SLC35F5: variants seen among roughly 807,000 people sequenced by gnomAD.
The protein encoded by SLC35F5 is HCV NS5A-transactivated protein 3.
Under a neutral mutation model 68.6 loss-of-function variants are expected in SLC35F5, and 54 were observed. The observed-to-expected ratio is 0.79, with a 90% CI of 0.63 to 0.99. SLC35F5 has a LOEUF of 0.99. Ranked by LOEUF, SLC35F5 falls within the 50% of genes least tolerant of loss-of-function variation. The pLI, the probability that SLC35F5 is intolerant of heterozygous loss-of-function variation, is 0.00. For missense variants in SLC35F5, 567 were observed against 626.9 expected, an observed-to-expected ratio of 0.90 and a Z score of 1.02; for synonymous variants, 211 against 205.2, an observed-to-expected ratio of 1.03 and a Z score of -0.24.
chr2:113,735,717 T>C, intron 8 of SLC35F5, 60 bp downstream of exon 8: 1 of 1,119,968 alleles, frequency 8.9e-7, no homozygotes, highest in South Asian at 1.4e-5. Flanking sequence ...TGTACACACA[T>C]ATATACCAGA....
Position 113,756,603 on chromosome 2 carries a change from G to T in SLC35F5, c.-194C>A. On this transcript the variant is annotated 5_prime_UTR_variant, in exon 1 of 16. Coordinates refer to ENST00000245680, the MANE Select transcript of SLC35F5 (RefSeq NM_025181.5). The stretch of plus-strand genomic sequence containing the variant: ...GGGCGTGGAGCGGGTGAGGGGAAGG[G>T]ACGGCACAGTCAGCTATGGCCGCGG... The T allele has an allele frequency of 2.2e-6, 3 of 1,390,926 alleles. No individual in the cohort carries two copies. The highest frequency in any genetic ancestry group is 1.5e-5 in the South Asian group (1 of 66,252). The allele number at this position is 1,390,926 out of a possible 1,614,324, so 86.2% of individuals were successfully genotyped here. A position where few individuals can be genotyped will look rare whatever the true frequency, so the allele number is the denominator to read the frequency against.
At chr2:113,750,980 G>A (rs1489074555) in intron 3 of SLC35F5, among the ~76,000 whole-genome samples, 1 of 152,068 alleles carries the variant, frequency 6.6e-6, no homozygotes, top group Non-Finnish European at 1.5e-5. Flanking sequence ...CTCCGTCTCT[G>A]CAGCAAAATA....
chr2:113,718,932 A>AAAGGAAGAAAGGAAGGAAGG (rs1559318581), intron 14 of SLC35F5, among the ~76,000 whole-genome samples: 2 of 133,078 alleles, frequency 1.5e-5, no homozygotes, highest in Non-Finnish European at 3.5e-5. Context: ...AAAGAAAAAG[A>AAAGGAAGAAAGGAAGGAAGG]AAGGAAGAAA....
At chr2:113,741,697 A>G (rs1676282520) in intron 7 of SLC35F5, among the ~76,000 whole-genome samples, 1 of 88,826 alleles carries the variant, frequency 1.1e-5, no homozygotes, top group African/African-American at 4.5e-5. Context: ...GCGAAACTCC[A>G]TTAAAAAAAA....
At chr2:113,745,619 A>G (rs1025600047) in intron 5 of SLC35F5, among the ~76,000 whole-genome samples, 2 of 152,178 alleles carry the variant, frequency 1.3e-5, no homozygotes, top group African/African-American at 2.4e-5. Flanking sequence ...AGAATAAGCC[A>G]TAATTGTGCC....
Position 113,708,206 on chromosome 2 carries a change from G to A in SLC35F5, c.*7012C>T, listed in dbSNP as rs1290268698. The stretch of plus-strand genomic sequence containing the variant: ...CAATCAACTAGCTACAGTTTTTATT[G>A]TATGCAATCTTCCCAACATTGCAGT... On this transcript the variant is annotated 3_prime_UTR_variant, in exon 16 of 16. Coordinates refer to ENST00000245680, the MANE Select transcript of SLC35F5 (RefSeq NM_025181.5). Among the ~76,000 whole-genome samples the A allele has an allele frequency of 6.6e-6, 1 of 152,124 alleles. No individual in the cohort carries two copies. The highest frequency in any genetic ancestry group is 1.5e-5 in the Non-Finnish European group (1 of 68,020).
intron 3 of SLC35F5, 113 bp from the exon 4 acceptor site, chr2:113,750,681 GAAA>G: frequency 1.0e-6 from 1 of 962,256 alleles, no homozygotes; most frequent in East Asian, 2.9e-5. Flanking sequence ...CACTTGGAAA[GAAA>G]AAGTCAAAGC....
intron 7 of SLC35F5, among the ~76,000 whole-genome samples, chr2:113,740,832 G>A (rs1676244091): frequency 6.6e-6 from 1 of 151,956 alleles, no homozygotes; most frequent in Non-Finnish European, 1.5e-5. Flanking sequence ...TCACCACATT[G>A]GCCAGGATGG....
At chr2:113,755,056 A>T in intron 3 of SLC35F5, 109 bp downstream of exon 3, 2 of 1,126,648 alleles carry the variant, frequency 1.8e-6, no homozygotes, top group Non-Finnish European at 1.3e-6. Flanking sequence ...AATAGTATTT[A>T]AGATACTGCT....
rs1237502864 is a variant in SLC35F5, at chr2:113,707,176, A to C, written c.*8042T>G. ...ACATTTCTAAAACATTGTTTCCATA[A>C]CTCATTATAAATATTTCATCTTCCG... On this transcript the variant is annotated 3_prime_UTR_variant, in exon 16 of 16. Transcript: ENST00000245680. Among the ~76,000 whole-genome samples the C allele has an allele frequency of 7.1e-6, 1 of 140,786 alleles. No homozygotes were observed. Among genetic ancestry groups the C allele is most frequent in the African/African-American group, 2.5e-5 (1 of 39,656 alleles). The allele number at this position is 140,786 out of a possible 152,430, so 92.4% of individuals were successfully genotyped here.
chr2:113,736,721 G>C (rs770691406), intron 7 of SLC35F5, among the ~76,000 whole-genome samples: 3 of 152,120 alleles, frequency 2.0e-5, no homozygotes, highest in African/African-American at 7.2e-5. Flanking sequence ...ATCTCAGTTT[G>C]GAAACACAAC....
intron 7 of SLC35F5, among the ~76,000 whole-genome samples, chr2:113,738,084 T>C (rs931619930): frequency 1.3e-5 from 2 of 151,422 alleles, no homozygotes; most frequent in Non-Finnish European, 2.9e-5. Context: ...TCATCATCCA[T>C]AGTTACCATT....
chr2:113,737,625 A>T (rs750885148), intron 7 of SLC35F5, among the ~76,000 whole-genome samples: 2 of 152,198 alleles, frequency 1.3e-5, no homozygotes, highest in African/African-American at 2.4e-5. Context: ...TCATTTTCCA[A>T]ACAACCTCAC....
rs1271042887 is a variant in SLC35F5 at position 113,755,763 on chromosome 2, G to C, written c.41-219C>G. The C allele has an allele frequency of 2.1e-5, 27 of 1,262,130 alleles. No homozygotes were observed. In the East Asian group the frequency reaches 2.3e-4, roughly 11 times the overall value. The allele number at this position is 1,262,130 out of a possible 1,614,324, so 78.2% of individuals were successfully genotyped here. ...TACGCGATACGGGGCGGGCAGGGAG[G>C]GGGAGTAATATACAACATACGGCAC... On this transcript the variant is annotated intron_variant, in intron 1 of 15. Coordinates refer to ENST00000245680, the MANE Select transcript of SLC35F5 (RefSeq NM_025181.5).
intron 9 of SLC35F5, chr2:113,733,280 G>A: frequency 4.2e-6 from 1 of 238,022 alleles, no homozygotes; most frequent in Non-Finnish European, 9.2e-6. Context: ...TACAAAACCA[G>A]CAGCTGACCC....
chr2:113,754,480 C>G (rs1676887308), intron 3 of SLC35F5, among the ~76,000 whole-genome samples: 1 of 151,960 alleles, frequency 6.6e-6, no homozygotes. Context: ...AGTTGAAATG[C>G]AGACTTCTGA....
chr2:113,725,325 A>C, intron 12 of SLC35F5, 53 bp downstream of exon 12: 1 of 1,545,272 alleles, frequency 6.5e-7, no homozygotes, highest in Non-Finnish European at 8.7e-7. Context: ...TAAATGCTTA[A>C]AATATCCAAA....
chr2:113,740,401 C>T (rs72946619), intron 7 of SLC35F5, among the ~76,000 whole-genome samples: 16,669 of 152,102 alleles, frequency 0.11, 988 homozygotes, highest in Non-Finnish European at 0.13. Flanking sequence ...GTTTTCCTAA[C>T]GTAAAACTCT....
rs1198144549 is a variant in SLC35F5, at chr2:113,711,620, C to T, written c.*3598G>A. The stretch of plus-strand genomic sequence containing the variant: ...GCAGACTATTAAAATAGAACTCAAA[C>T]TTCAAATTCTGTAAACTGAACATCT... On this transcript the variant is annotated 3_prime_UTR_variant, in exon 16 of 16. Transcript: ENST00000245680. Among the ~76,000 whole-genome samples, 3 of 152,154 alleles carry T rather than the reference C, an allele frequency of 2.0e-5. No individual in the cohort carries two copies.
Sources: allele counts gnomAD v4.1 joint callset (sites outside exome capture counted in the v4.1 genomes callset), GRCh38; gene constraint gnomAD v4.1.1; transcripts MANE v1.5; gene names NCBI Gene and HGNC (gene_info 2026-07-23, HGNC 2026-07-21).